ZNF18: variants seen among roughly 807,000 people sequenced by gnomAD.
ZNF18 encodes the protein heart development-specific gene 1 protein.
Under a neutral mutation model 58.1 loss-of-function variants are expected in ZNF18, and 42 were observed. The observed-to-expected ratio is 0.72, with a 90% CI of 0.56 to 0.93. ZNF18 has a LOEUF of 0.93. ZNF18 is among the 40% of genes least tolerant of loss of function. The pLI, the probability that ZNF18 is intolerant of heterozygous loss-of-function variation, is 0.00. For missense variants in ZNF18, 540 were observed against 644.2 expected (o/e 0.84, Z 1.75); for synonymous variants, 231 against 239.8 (o/e 0.96, Z 0.34).
the ZNF18 span, among the ~76,000 whole-genome samples, chr17:12,015,315 G>A: frequency 2.0e-5 from 3 of 152,134 alleles, no homozygotes; most frequent in Non-Finnish European, 2.9e-5. Flanking sequence ...CTTTGCATGT[G>A]AGGCCCTTTC....
chr17:12,019,973 G>C, the ZNF18 span, among the ~76,000 whole-genome samples: 293 of 152,282 alleles, frequency 1.9e-3, 1 homozygote, highest in African/African-American at 6.8e-3. Flanking sequence ...CTTACAAATC[G>C]TAGCCTCATA....
At chr17:12,019,685 T>G in the ZNF18 span, among the ~76,000 whole-genome samples, 1 of 152,190 alleles carries the variant, frequency 6.6e-6, no homozygotes, top group East Asian at 1.9e-4. Flanking sequence ...ATCAAGATGA[T>G]GGATGAAATT....
At chr17:12,005,705 G>A in the ZNF18 span, among the ~76,000 whole-genome samples, 22 of 152,128 alleles carry the variant, frequency 1.4e-4, no homozygotes, top group East Asian at 3.3e-3. Context: ...AAATAATGAG[G>A]TGTATTATAT....
chr17:11,979,203 TAAC>T (rs964489271), intron 6 of ZNF18, among the ~76,000 whole-genome samples: 4 of 152,240 alleles, frequency 2.6e-5, no homozygotes, highest in South Asian at 2.1e-4. Context: ...TACCCAGAGA[TAAC>T]AACTATGAGC....
At chr17:11,989,740 A>G (rs1242142122) in intron 4 of ZNF18, among the ~76,000 whole-genome samples, 1 of 152,206 alleles carries the variant, frequency 6.6e-6, no homozygotes, top group Non-Finnish European at 1.5e-5. Context: ...AGCAGATCAG[A>G]TACTATAAAA....
upstream of ZNF18, chr17:11,998,540 GTACCT>G (rs1276509672): frequency 6.7e-6 from 1 of 148,844 alleles, no homozygotes; most frequent in Non-Finnish European, 1.5e-5. Flanking sequence ...AACATGTCCT[GTACCT>G]GTCATTATCA....
intron 6 of ZNF18, among the ~76,000 whole-genome samples, chr17:11,981,714 C>T: frequency 6.6e-6 from 1 of 151,932 alleles, no homozygotes; most frequent in Non-Finnish European, 1.5e-5. Context: ...CTACTAGGAG[C>T]TATATGGGAA....
the ZNF18 span, among the ~76,000 whole-genome samples, chr17:12,017,703 C>A: frequency 6.6e-6 from 1 of 151,752 alleles, no homozygotes; most frequent in African/African-American, 2.4e-5. Context: ...TATGGTGAAA[C>A]CCCGTCTCTA....
In ZNF18 at chr17:11,990,451, C is replaced by T. The variant is rs747679599; in HGVS notation, c.666+11G>A. 1.6e-5 allele frequency: 25 copies of T among 1,609,116 alleles called. No individual in the cohort carries two copies. Among genetic ancestry groups the T allele is most frequent in the Non-Finnish European group, 1.8e-5 (21 of 1,177,762 alleles). On this transcript the variant is annotated intron_variant, in intron 4 of 6. Transcript: ENST00000580306. ...AAGTTTCCTTTTCATCGCTTTTGTA[C>T]GTCAGCTCACCTGAGGTGCTGCTGG...
At chr17:11,997,792 C>T (rs1968570639), upstream of ZNF18, among the ~76,000 whole-genome samples, 1 of 152,240 alleles carries the variant, frequency 6.6e-6, no homozygotes, top group Admixed American at 6.5e-5. Flanking sequence ...TTCTTTGTCT[C>T]TCCCAAACCC....
At chr17:11,983,149 T>G in intron 6 of ZNF18, 148 bp downstream of exon 6, 1 of 586,172 alleles carries the variant, frequency 1.7e-6, no homozygotes, top group South Asian at 2.0e-5. Flanking sequence ...ATCTCAATAG[T>G]TAAATCAAAC....
chr17:12,012,843 A>T, the ZNF18 span, among the ~76,000 whole-genome samples: 1 of 152,118 alleles, frequency 6.6e-6, no homozygotes. Context: ...GCCTGTCCGC[A>T]TCTTCGCATT....
intron 4 of ZNF18, 106 bp from the exon 5 acceptor site, chr17:11,984,303 A>G: frequency 1.8e-6 from 2 of 1,130,292 alleles, no homozygotes; most frequent in Non-Finnish European, 1.2e-6. Flanking sequence ...AACGTGCCAT[A>G]GGATCCTGGC....
At chr17:11,978,795 C>T (rs2151466556) in intron 6 of ZNF18, 51 bp from the exon 7 acceptor site, 3 of 794,660 alleles carry the variant, frequency 3.8e-6, no homozygotes, top group South Asian at 4.8e-5. Context: ...GCCCTGTTTT[C>T]TAACTCATAT....
chr17:11,982,672 G>A (rs1159718907), intron 6 of ZNF18, among the ~76,000 whole-genome samples: 13 of 148,066 alleles, frequency 8.8e-5, no homozygotes, highest in African/African-American at 3.4e-4. Context: ...GTGTGTGTGT[G>A]TGTGTGTGTG....
upstream of ZNF18, among the ~76,000 whole-genome samples, chr17:12,000,674 C>A (rs1400418296): frequency 3.3e-5 from 5 of 152,118 alleles, no homozygotes; most frequent in Non-Finnish European, 5.9e-5. Flanking sequence ...CTAGATCACA[C>A]CATTGCACTC....
chr17:11,994,360 T>G (rs1968330526), intron 1 of ZNF18, among the ~76,000 whole-genome samples: 1 of 152,148 alleles, frequency 6.6e-6, no homozygotes, highest in African/African-American at 2.4e-5. Flanking sequence ...GAATTACAGT[T>G]GACCATTGAA....
chr17:11,992,776 G>A lies in ZNF18; in HGVS notation c.54C>T (p.Ala18=), dbSNP rs201490615. 4.0e-5 allele frequency: 64 copies of A among 1,614,096 alleles called. No homozygotes were observed. In the Middle Eastern group the frequency reaches 6.7e-4, roughly 17 times the overall value. ...CTGATTCTGAGAACTGGGAGTCCTC[G>A]GCCTTCGCCAGCGATGGCAGCAGGC... The part of the protein sequence containing the change: ...ALGLLPSLAK[A]EDSQFSESDA... The change falls in exon 2 of 7, where the codon GCC becomes GCT. Residue 18 remains alanine (A), a synonymous_variant. Transcript: ENST00000580306.
rs944426999 is a variant in ZNF18, at chr17:11,992,893, C to G, written c.-64G>C. The G allele has an allele frequency of 2.6e-6, 4 of 1,536,438 alleles. No homozygotes were observed. In the African/African-American group the frequency reaches 4.1e-5, roughly 16 times the overall value. ...GCAGTGGAATTGTCTCCGGCAAGAA[C>G]TAGGTCTTCACCAGGACACTAAAAA... On this transcript the variant is annotated 5_prime_UTR_variant, in exon 2 of 7. Transcript: ENST00000580306.
Sources: gnomAD v4.1 joint callset for allele counts (sites outside exome capture counted in the v4.1 genomes callset) on GRCh38, gnomAD v4.1.1 for gene constraint, MANE v1.5 for transcripts, NCBI Gene and HGNC (gene_info 2026-07-23, HGNC 2026-07-21) for gene names.